DOCK1: variants seen among roughly 807,000 people sequenced by gnomAD.
DOCK1 encodes the protein dedicator of cytokinesis protein 1.
In DOCK1, 138 loss-of-function variants were observed where a neutral mutation model predicts 262.7. The ratio of observed to expected loss-of-function variants is 0.53; its 90% CI spans 0.46 to 0.61. DOCK1 has a LOEUF of 0.61. DOCK1 is among the 20% of genes least tolerant of loss of function. The pLI is 0.00. For missense variants in DOCK1, 1,908 were observed against 2,370.7 expected (o/e 0.80, Z 4.05); for synonymous variants, 866 against 867.4 (o/e 1.00, Z 0.03).
intron 38 of DOCK1, among the ~76,000 whole-genome samples, chr10:127,388,053 A>G (rs57582541): frequency 0.3 from 46,250 of 152,082 alleles, 7,447 homozygotes; most frequent in Admixed American, 0.46. Flanking sequence ...CAGTGCACAC[A>G]TGGCCCCCAC....
At chr10:127,069,821 C>G (rs11813554) in intron 23 of DOCK1, among the ~76,000 whole-genome samples, 36,993 of 152,056 alleles carry the variant, frequency 0.24, 4,693 homozygotes, top group African/African-American at 0.3. Context: ...AGAGGGAGGT[C>G]CCAGAGTCGA....
At chr10:127,324,133 G>T (rs2062656458) in intron 29 of DOCK1, among the ~76,000 whole-genome samples, 1 of 152,192 alleles carries the variant, frequency 6.6e-6, no homozygotes, top group Non-Finnish European at 1.5e-5. Flanking sequence ...GTAGATGCTG[G>T]CGCAGGAGCC....
rs1201081887 is a variant in DOCK1, at chr10:126,963,581, CTCCCTTCCCTTCCCTTCCCT to C, written c.47-7080_47-7061del. ...GCTTCCCTCCTCTCCCTCTCCTTCC[CTCCCTTCCCTTCCCTTCCCT>C]TCCCTTCCCTTCCCTTCCCTTCCCT... On this transcript the variant is annotated intron_variant, in intron 1 of 51. Coordinates refer to ENST00000623213, the MANE Select transcript of DOCK1 (RefSeq NM_001290223.2). 1.0e-3 allele frequency among the ~76,000 whole-genome samples: 71 copies of C among 67,916 alleles called. 3 individuals are homozygous for C. Among genetic ancestry groups the C allele is most frequent in the African/African-American group, 2.6e-3 (57 of 22,210 alleles). The allele number at this position is 67,916 out of a possible 152,430, so 44.6% of individuals were successfully genotyped here. A position where few individuals can be genotyped will look rare whatever the true frequency, so the allele number is the denominator to read the frequency against.
intron 23 of DOCK1, among the ~76,000 whole-genome samples, chr10:127,099,359 A>G (rs2136168891): frequency 6.6e-6 from 1 of 152,240 alleles, no homozygotes; most frequent in Non-Finnish European, 1.5e-5. Context: ...TTGACCTTCC[A>G]TTGCAGTCCA....
intron 27 of DOCK1, among the ~76,000 whole-genome samples, chr10:127,196,616 C>A (rs1446549433): frequency 3.2e-5 from 1 of 31,436 alleles, no homozygotes; most frequent in Non-Finnish European, 6.5e-5. Context: ...GGAGGTGGGG[C>A]GGGGGCGGCG....
At chr10:127,141,595 C>T (rs749305680) in intron 27 of DOCK1, among the ~76,000 whole-genome samples, 2 of 151,862 alleles carry the variant, frequency 1.3e-5, no homozygotes, top group African/African-American at 2.4e-5. Flanking sequence ...CCCAGCTACT[C>T]GGGAGGTGGA....
chr10:126,951,122 T>A (rs1330837878), intron 1 of DOCK1, among the ~76,000 whole-genome samples: 1 of 151,554 alleles, frequency 6.6e-6, no homozygotes, highest in Non-Finnish European at 1.5e-5. Flanking sequence ...GTTGGTAGTA[T>A]TGTTGGTAGT....
chr10:126,915,647 T>C (rs1358042696), intron 1 of DOCK1, among the ~76,000 whole-genome samples: 1 of 152,146 alleles, frequency 6.6e-6, no homozygotes, highest in Non-Finnish European at 1.5e-5. Flanking sequence ...AACACGGGGT[T>C]TCACTGTGTT....
At chr10:127,020,572 A>G (rs1457967244) in intron 13 of DOCK1, among the ~76,000 whole-genome samples, 1 of 150,544 alleles carries the variant, frequency 6.6e-6, no homozygotes, top group Non-Finnish European at 1.5e-5. Context: ...TGTCTCAAAA[A>G]AAAAAAAAAC....
At chr10:127,317,810 T>A (rs1382620988) in intron 29 of DOCK1, among the ~76,000 whole-genome samples, 2 of 152,208 alleles carry the variant, frequency 1.3e-5, no homozygotes, top group Non-Finnish European at 2.9e-5. Context: ...GTGCCTTGCC[T>A]GTTCTTGGTG....
intron 27 of DOCK1, among the ~76,000 whole-genome samples, chr10:127,134,288 T>G (rs1592151100): frequency 6.6e-6 from 1 of 151,998 alleles, no homozygotes; most frequent in Non-Finnish European, 1.5e-5. Flanking sequence ...TAGGTTGGAG[T>G]TGGTCTGCCT....
chr10:127,023,066 T>C, intron 13 of DOCK1, 134 bp from the exon 14 acceptor site: 1 of 1,107,466 alleles, frequency 9.0e-7, no homozygotes, highest in Non-Finnish European at 1.2e-6. Flanking sequence ...GAGACTGTTT[T>C]GTAGAAAATA....
chr10:127,433,019 G>A lies in DOCK1; in HGVS notation c.4915-264G>A, dbSNP rs570265267. On this transcript the variant is annotated intron_variant, in intron 47 of 51. Coordinates refer to ENST00000623213, the MANE Select transcript of DOCK1 (RefSeq NM_001290223.2). ...GCTTTGGAATGTGTTGACGCATCGC[G>A]GTCTTTGAAGAAAACTTGCACTGTG... is the stretch of plus-strand genomic sequence containing the variant. 7.9e-5 allele frequency among the ~76,000 whole-genome samples: 12 copies of A among 152,236 alleles called. No individual in the cohort carries two copies. The East Asian group carries it at 1.7e-3, about 22-fold the overall frequency.
chr10:127,275,743 T>C (rs2060717429), intron 29 of DOCK1, among the ~76,000 whole-genome samples: 1 of 142,360 alleles, frequency 7.0e-6, no homozygotes. Flanking sequence ...GAGGTACAGG[T>C]GTCAACCTGT....
chr10:127,373,478 G>A (rs957434934), intron 33 of DOCK1, among the ~76,000 whole-genome samples: 2 of 86,114 alleles, frequency 2.3e-5, no homozygotes, highest in Non-Finnish European at 4.7e-5. Context: ...TTCATGCTGC[G>A]CTTTGATTTT....
chr10:127,058,456 T>A (rs1219538518), intron 22 of DOCK1, among the ~76,000 whole-genome samples: 3 of 152,028 alleles, frequency 2.0e-5, no homozygotes, highest in African/African-American at 4.8e-5. Flanking sequence ...TTTTCTTTCA[T>A]CCAGTCTGAC....
At chr10:127,053,621 C>A (rs1449333681) in intron 22 of DOCK1, among the ~76,000 whole-genome samples, 4 of 152,140 alleles carry the variant, frequency 2.6e-5, no homozygotes, top group Non-Finnish European at 4.4e-5. Flanking sequence ...GTATTTATTA[C>A]CATTGAACTG....
intron 25 of DOCK1, among the ~76,000 whole-genome samples, chr10:127,120,519 T>C (rs534044320): frequency 8.5e-5 from 13 of 152,356 alleles, no homozygotes; most frequent in African/African-American, 2.6e-4. Context: ...TATTTTACAT[T>C]CTTTTTATGA....
intron 29 of DOCK1, among the ~76,000 whole-genome samples, chr10:127,317,166 T>A (rs1469830089): frequency 6.6e-6 from 1 of 152,226 alleles, no homozygotes; most frequent in Non-Finnish European, 1.5e-5. Context: ...ATTATATGCG[T>A]ATTTTTGTAT....
Sources: allele counts gnomAD v4.1 joint callset (sites outside exome capture counted in the v4.1 genomes callset), GRCh38; gene constraint gnomAD v4.1.1; transcripts MANE v1.5; gene names NCBI Gene and HGNC (gene_info 2026-07-23, HGNC 2026-07-21).